Variants in SLC4A4 observed in about 807,000 individuals in gnomAD.
SLC4A4 encodes solute carrier family 4 member 4, also known as electrogenic sodium bicarbonate cotransporter 1.
Under a neutral mutation model 111.5 loss-of-function variants are expected in SLC4A4, and 27 were observed. The ratio of observed to expected loss-of-function variants is 0.24; its 90% CI spans 0.18 to 0.33. SLC4A4 has a LOEUF of 0.33. SLC4A4 is among the 10% of genes least tolerant of loss of function. The pLI is 1.00. For missense variants in SLC4A4, 909 were observed against 1,315.5 expected, an observed-to-expected ratio of 0.69 and a Z score of 4.78; for synonymous variants, 443 against 463.4, an observed-to-expected ratio of 0.96 and a Z score of 0.57.
rs1380651564 is a variant in SLC4A4, at chr4:71,571,879, T to C, written c.*4128T>C. On this transcript the variant is annotated 3_prime_UTR_variant, in exon 26 of 26. Coordinates refer to ENST00000264485, the MANE Select transcript of SLC4A4 (RefSeq NM_001098484.3). ...AGTAGATCAACATGGTGGAACAAAA[T>C]GATAAAGAACAGAAAACATTTCAAT... 2.6e-5 allele frequency: 4 copies of C among 152,232 alleles called. No individual in the cohort carries two copies. Among genetic ancestry groups the C allele is most frequent in the Non-Finnish European group, 5.9e-5 (4 of 67,882 alleles). The allele number at this position is 152,232 out of a possible 1,614,324, so 9.4% of individuals were successfully genotyped here.
chr4:71,143,739 G>A (rs1197293051), intron 2 of SLC4A4, among the ~76,000 whole-genome samples: 2 of 152,214 alleles, frequency 1.3e-5, no homozygotes, highest in African/African-American at 4.8e-5. Flanking sequence ...CTGCATAAAT[G>A]TCTTCTTTTG....
intron 3 of SLC4A4, among the ~76,000 whole-genome samples, chr4:71,274,444 T>C (rs537001817): frequency 6.6e-6 from 1 of 152,298 alleles, no homozygotes; most frequent in East Asian, 1.9e-4. Flanking sequence ...ATAAACTAGG[T>C]ACTGAGTTCA....
At chr4:71,203,989 C>T (rs1255911268) in intron 1 of SLC4A4, among the ~76,000 whole-genome samples, 1 of 152,082 alleles carries the variant, frequency 6.6e-6, no homozygotes, top group Non-Finnish European at 1.5e-5. Flanking sequence ...CTGTAAATTC[C>T]AGAAAAGCCA....
intron 1 of SLC4A4, among the ~76,000 whole-genome samples, chr4:71,224,503 G>C (rs771660703): frequency 1.4e-4 from 22 of 152,298 alleles, no homozygotes; most frequent in Non-Finnish European, 2.2e-4. Flanking sequence ...TAATTTCTCT[G>C]TATTTCAGAT....
chr4:71,466,979 G>GAGAGAGAGAGAGAGAGAGAGA (rs1363275518), intron 13 of SLC4A4, among the ~76,000 whole-genome samples: 21 of 145,808 alleles, frequency 1.4e-4, no homozygotes, highest in East Asian at 6.4e-4. Context: ...GAGAGAGAGA[G>GAGAGAGAGAGAGAGAGAGAGA]GTCTGAGTAT....
chr4:71,254,119 G>A (rs113573554), intron 2 of SLC4A4, among the ~76,000 whole-genome samples: 2,904 of 152,206 alleles, frequency 0.019, 91 homozygotes, highest in African/African-American at 0.067. Context: ...GCATTGCAAA[G>A]TTGTCATCAA....
At chr4:71,252,862 A>G (rs1171166460) in intron 2 of SLC4A4, among the ~76,000 whole-genome samples, 1 of 152,174 alleles carries the variant, frequency 6.6e-6, no homozygotes, top group Non-Finnish European at 1.5e-5. Flanking sequence ...AAAATCATTG[A>G]CTGTATCATT....
intron 16 of SLC4A4, among the ~76,000 whole-genome samples, chr4:71,512,631 T>A (rs1732034135): frequency 6.6e-6 from 1 of 151,822 alleles, no homozygotes; most frequent in Non-Finnish European, 1.5e-5. Context: ...GTGCAGAAGC[T>A]TTTTGGTTTA....
chr4:71,453,315 GAGAT>G (rs1725936228), intron 11 of SLC4A4, among the ~76,000 whole-genome samples, 176 bp from the exon 12 acceptor site: 1 of 152,176 alleles, frequency 6.6e-6, no homozygotes, highest in African/African-American at 2.4e-5. Context: ...CAAAAAGAAA[GAGAT>G]AGAAGAAAAT....
intron 2 of SLC4A4, among the ~76,000 whole-genome samples, chr4:71,119,560 T>C (rs1003332105): frequency 1.3e-5 from 2 of 152,110 alleles, no homozygotes; most frequent in Non-Finnish European, 1.5e-5. Context: ...TAAGTTTAAT[T>C]CTTTTTTTTT....
intron 6 of SLC4A4, among the ~76,000 whole-genome samples, chr4:71,378,976 A>G (rs1717818319): frequency 6.6e-6 from 1 of 152,072 alleles, no homozygotes; most frequent in Non-Finnish European, 1.5e-5. Flanking sequence ...CTCTTCTGCC[A>G]TTTTACTTCT....
At chr4:71,086,971 G>A (rs1332513118) in intron 1 of SLC4A4, among the ~76,000 whole-genome samples, 1 of 152,038 alleles carries the variant, frequency 6.6e-6, no homozygotes, top group Non-Finnish European at 1.5e-5. Context: ...AATAGTTTCA[G>A]AAGGAATGGT....
intron 3 of SLC4A4, among the ~76,000 whole-genome samples, chr4:71,299,938 G>A (rs1201303460): frequency 8.5e-5 from 13 of 152,174 alleles, no homozygotes; most frequent in East Asian, 1.9e-4. Flanking sequence ...CTGCTTTCAT[G>A]CAGGATGAGG....
Position 71,366,354 on chromosome 4 carries a change from T to G in SLC4A4, c.730+9167T>G, listed in dbSNP as rs57896594. ...GTGTGTGTGTGTGTGTGTGTGTGTG[T>G]GTATCTATTTGCTTGATTCAAAAAG... On this transcript the variant is annotated intron_variant, in intron 6 of 25. Coordinates refer to ENST00000264485, the MANE Select transcript of SLC4A4 (RefSeq NM_001098484.3). Among the ~76,000 whole-genome samples, 1,065 of 151,766 alleles carry G rather than the reference T, an allele frequency of 7.0e-3. 12 individuals carry two copies. Among genetic ancestry groups the G allele is most frequent in the African/African-American group, 0.023 (941 of 41,332 alleles).
intron 1 of SLC4A4, among the ~76,000 whole-genome samples, chr4:71,232,226 T>A (rs1719482429): frequency 6.6e-6 from 1 of 152,186 alleles, no homozygotes; most frequent in South Asian, 2.1e-4. Context: ...TTGGAGGGAA[T>A]GTGAAATATG....
chr4:71,102,757 G>C (rs1200171171), intron 2 of SLC4A4, among the ~76,000 whole-genome samples: 2 of 151,066 alleles, frequency 1.3e-5, no homozygotes, highest in South Asian at 2.1e-4. Context: ...CCCTAAAAGA[G>C]CTCCTGAAGG....
intron 13 of SLC4A4, among the ~76,000 whole-genome samples, chr4:71,469,875 G>A (rs1343690734): frequency 6.6e-6 from 1 of 151,872 alleles, no homozygotes; most frequent in Non-Finnish European, 1.5e-5. Context: ...TAAGGTTTAA[G>A]TTTATACATG....
chr4:71,454,636 T>G (rs1167496737), intron 12 of SLC4A4, among the ~76,000 whole-genome samples: 1 of 152,180 alleles, frequency 6.6e-6, no homozygotes, highest in Non-Finnish European at 1.5e-5. Flanking sequence ...TTTAGATTTT[T>G]GTCTAAATAC....
chr4:71,216,804 A>G (rs1718455778), intron 1 of SLC4A4, among the ~76,000 whole-genome samples: 1 of 152,130 alleles, frequency 6.6e-6, no homozygotes, highest in African/African-American at 2.4e-5. Flanking sequence ...TTTGACCTTT[A>G]TGAACTTGTG....
Sources: gnomAD v4.1 joint callset for allele counts (sites outside exome capture counted in the v4.1 genomes callset) on GRCh38, gnomAD v4.1.1 for gene constraint, MANE v1.5 for transcripts, NCBI Gene and HGNC (gene_info 2026-07-23, HGNC 2026-07-21) for gene names.